Variants in RBPMS observed in about 807,000 individuals in gnomAD.
RBPMS encodes RNA binding protein, mRNA processing factor.
In RBPMS, 7 loss-of-function variants were observed where a neutral mutation model predicts 26.8. The observed-to-expected ratio is 0.26, with a 90% CI of 0.15 to 0.49. RBPMS has a LOEUF of 0.49. Among genes scored for constraint, RBPMS ranks in the 20% least tolerant of loss-of-function variants. The pLI is 0.98. For missense variants in RBPMS, 186 were observed against 250.0 expected (o/e 0.74, Z 1.73); for synonymous variants, 96 against 93.3 (o/e 1.03, Z -0.17).
At chr8:30,413,500 C>T (rs1045548226) in intron 1 of RBPMS, among the ~76,000 whole-genome samples, 1 of 152,236 alleles carries the variant, frequency 6.6e-6, no homozygotes, top group African/African-American at 2.4e-5. Context: ...ATGATAGCTA[C>T]TCTCAGCCTG....
intron 1 of RBPMS, among the ~76,000 whole-genome samples, chr8:30,390,941 A>C (rs2150544470): frequency 6.6e-6 from 1 of 152,348 alleles, no homozygotes; most frequent in South Asian, 2.1e-4. Context: ...GGTAATAAGA[A>C]GCAGCCACTC....
intron 4 of RBPMS, among the ~76,000 whole-genome samples, chr8:30,488,171 G>C (rs1272991612): frequency 1.3e-5 from 2 of 152,214 alleles, no homozygotes; most frequent in East Asian, 3.9e-4. Context: ...TAAATACACA[G>C]AGTACTTAAA....
chr8:30,562,962 G>A (rs1164220965), intron 7 of RBPMS, among the ~76,000 whole-genome samples: 1 of 152,202 alleles, frequency 6.6e-6, no homozygotes, highest in Non-Finnish European at 1.5e-5. Flanking sequence ...ACAAACATTT[G>A]TTGTGTCTGC....
chr8:30,557,521 A>G (rs898456945), intron 6 of RBPMS, among the ~76,000 whole-genome samples: 3 of 152,134 alleles, frequency 2.0e-5, no homozygotes, highest in African/African-American at 7.2e-5. Context: ...GGAGCTTTCC[A>G]CCAGTCCCTT....
intron 5 of RBPMS, among the ~76,000 whole-genome samples, chr8:30,542,082 T>A (rs1023457439): frequency 1.3e-4 from 20 of 152,188 alleles, no homozygotes; most frequent in Admixed American, 3.9e-4. Flanking sequence ...GATGATAAGA[T>A]GTATCAAGGG....
intron 5 of RBPMS, among the ~76,000 whole-genome samples, chr8:30,535,235 AAGTT>A (rs1211100404): frequency 2.0e-5 from 3 of 152,220 alleles, no homozygotes; most frequent in Admixed American, 6.5e-5. Context: ...TGCTAGTTTT[AAGTT>A]AGTTGTAGGC....
intron 1 of RBPMS, among the ~76,000 whole-genome samples, chr8:30,418,177 C>A (rs191965435): frequency 6.6e-6 from 1 of 152,318 alleles, no homozygotes; most frequent in East Asian, 1.9e-4. Flanking sequence ...TTGCTCTCTA[C>A]AATTACATCA....
intron 5 of RBPMS, among the ~76,000 whole-genome samples, chr8:30,507,216 A>G (rs939182624): frequency 6.6e-6 from 1 of 152,208 alleles, no homozygotes; most frequent in Non-Finnish European, 1.5e-5. Flanking sequence ...AATTCTGCCA[A>G]TTATTGACAA....
At chr8:30,471,057 C>T (rs991823995) in intron 1 of RBPMS, among the ~76,000 whole-genome samples, 11 of 151,968 alleles carry the variant, frequency 7.2e-5, no homozygotes, top group Admixed American at 3.3e-4. Flanking sequence ...AATAAACTTA[C>T]AGTATTTAAT....
chr8:30,392,217 A>G (rs1807868687), intron 1 of RBPMS, among the ~76,000 whole-genome samples: 1 of 152,132 alleles, frequency 6.6e-6, no homozygotes, highest in Admixed American at 6.5e-5. Context: ...AGCTTTAAAG[A>G]AGTTTAAAGA....
intron 1 of RBPMS, among the ~76,000 whole-genome samples, chr8:30,468,497 C>G (rs1370889335): frequency 6.6e-6 from 1 of 152,044 alleles, no homozygotes; most frequent in Non-Finnish European, 1.5e-5. Context: ...TTGTGTAACT[C>G]TATTGATAAA....
intron 6 of RBPMS, among the ~76,000 whole-genome samples, chr8:30,549,940 T>C (rs1403774203): frequency 4.0e-5 from 6 of 149,900 alleles, no homozygotes; most frequent in Non-Finnish European, 8.9e-5. Context: ...AAGCTCCGCC[T>C]CCCGGGTTCA....
In RBPMS at chr8:30,543,715, T is replaced by TG. The variant is rs367608387; in HGVS notation, c.398-778dup. On this transcript the variant is annotated intron_variant, in intron 5 of 8. Transcript: ENST00000397323. The stretch of plus-strand genomic sequence containing the variant: ...CTGATACATGGGAGGCCCAGGCACT[T>TG]GCCCTTCAATCTGGCCAACTGCAGC... Among the ~76,000 whole-genome samples, 811 of 152,302 alleles carry TG rather than the reference T, an allele frequency of 5.3e-3. 4 individuals carry two copies. The highest frequency in any genetic ancestry group is 0.018 in the African/African-American group (760 of 41,560).
Position 30,536,784 on chromosome 8 carries a change from C to G in RBPMS, c.398-7710C>G, listed in dbSNP as rs74327338. Reference sequence around the variant, plus strand: ...TCTCCTTTGTGGACCTCCTTTGTGGCGGGCACAGTAGTGAATCTAACAGAA... The same window carrying G: ...TCTCCTTTGTGGACCTCCTTTGTGGGGGGCACAGTAGTGAATCTAACAGAA... On this transcript the variant is annotated intron_variant, in intron 5 of 8. Coordinates refer to ENST00000397323, the MANE Select transcript of RBPMS (RefSeq NM_001008710.3). 6.1e-4 allele frequency among the ~76,000 whole-genome samples: 93 copies of G among 152,134 alleles called. 1 individual carries two copies. The highest frequency in any genetic ancestry group is 2.1e-3 in the African/African-American group (88 of 41,496).
At chr8:30,536,084 C>T (rs977879974) in intron 5 of RBPMS, among the ~76,000 whole-genome samples, 1 of 151,942 alleles carries the variant, frequency 6.6e-6, no homozygotes, top group African/African-American at 2.4e-5. Context: ...AGACACAGGC[C>T]CTGCACTCAG....
chr8:30,471,727 G>A (rs1001637835), intron 1 of RBPMS, among the ~76,000 whole-genome samples: 1 of 152,164 alleles, frequency 6.6e-6, no homozygotes, highest in Admixed American at 6.6e-5. Flanking sequence ...GACAGGGAGG[G>A]CACACTGGAT....
chr8:30,483,586 TA>T (rs751355872), intron 4 of RBPMS, among the ~76,000 whole-genome samples: 5 of 152,184 alleles, frequency 3.3e-5, no homozygotes, highest in Admixed American at 2.0e-4. Context: ...TATATTACAT[TA>T]TTTTTTTTAA....
chr8:30,386,348 T>C (rs1425692458), intron 1 of RBPMS, among the ~76,000 whole-genome samples: 1 of 152,166 alleles, frequency 6.6e-6, no homozygotes, highest in East Asian at 1.9e-4. Flanking sequence ...ATGGTAACTA[T>C]TTAGATGGAG....
chr8:30,416,425 G>T (rs1289840540), intron 1 of RBPMS, among the ~76,000 whole-genome samples: 2 of 151,676 alleles, frequency 1.3e-5, no homozygotes, highest in Admixed American at 6.6e-5. Context: ...TCTGCCTCCC[G>T]GGTTCAAGCC....
Sources: gnomAD v4.1 joint callset for allele counts (sites outside exome capture counted in the v4.1 genomes callset) on GRCh38, gnomAD v4.1.1 for gene constraint, MANE v1.5 for transcripts, NCBI Gene and HGNC (gene_info 2026-07-23, HGNC 2026-07-21) for gene names.